The following FAM222A variants were observed in gnomAD, a reference collection of about 807,000 sequenced individuals.
FAM222A encodes family with sequence similarity 222 member A.
Under a neutral mutation model 25.8 loss-of-function variants are expected in FAM222A, and 7 were observed. The ratio of observed to expected loss-of-function variants is 0.27; its 90% CI spans 0.15 to 0.51. FAM222A has a LOEUF of 0.51. Among genes scored for constraint, FAM222A ranks in the 20% least tolerant of loss-of-function variants. The pLI is 0.97. For missense variants in FAM222A, 573 were observed against 640.5 expected (o/e 0.89, Z 1.14); for synonymous variants, 294 against 298.8 (o/e 0.98, Z 0.17).
intron 1 of FAM222A, among the ~76,000 whole-genome samples, chr12:109,729,438 C>G (rs1190003269): frequency 6.6e-6 from 1 of 152,192 alleles, no homozygotes; most frequent in African/African-American, 2.4e-5. Flanking sequence ...TCCCTGAGCC[C>G]CTCAAGACAC....
chr12:109,724,599 C>T (rs376696066), intron 1 of FAM222A, among the ~76,000 whole-genome samples: 49 of 152,204 alleles, frequency 3.2e-4, no homozygotes, highest in African/African-American at 9.4e-4. Flanking sequence ...AGAGGACTCA[C>T]CTGAAGCAAC....
intron 2 of FAM222A, among the ~76,000 whole-genome samples, chr12:109,761,758 G>A (rs1888904163): frequency 6.6e-6 from 1 of 152,250 alleles, no homozygotes; most frequent in Non-Finnish European, 1.5e-5. Context: ...TGGCAGTTGG[G>A]CAGCTCCCAG....
chr12:109,716,446 A>C (rs967335741), intron 1 of FAM222A, among the ~76,000 whole-genome samples: 1 of 152,198 alleles, frequency 6.6e-6, no homozygotes, highest in Non-Finnish European at 1.5e-5. Context: ...CTGCTCTTCT[A>C]CCAAGCTCTC....
rs1287239943 is a variant in FAM222A at position 109,753,038 on chromosome 12, TC to T, written c.82+8814del. Among the ~76,000 whole-genome samples the T allele has an allele frequency of 2.6e-5, 4 of 152,270 alleles. No homozygotes were observed. In the East Asian group the frequency reaches 7.7e-4, roughly 29 times the overall value. Reference sequence around the variant, plus strand: ...TGTGGGTCTCAACTGCTCAGGGCCTTCCCCACTAATTAATAAATATTTGACT... The same window carrying T: ...TGTGGGTCTCAACTGCTCAGGGCCTTCCCACTAATTAATAAATATTTGACT... On this transcript the variant is annotated intron_variant, in intron 2 of 2. Transcript: ENST00000538780.
At chr12:109,716,403 G>A (rs1887646425) in intron 1 of FAM222A, among the ~76,000 whole-genome samples, 1 of 152,224 alleles carries the variant, frequency 6.6e-6, no homozygotes, top group Admixed American at 6.5e-5. Flanking sequence ...ATTAGGAGAA[G>A]CCAGGCCCCA....
At chr12:109,721,084 T>C (rs1887737214) in intron 1 of FAM222A, among the ~76,000 whole-genome samples, 1 of 152,252 alleles carries the variant, frequency 6.6e-6, no homozygotes, top group Non-Finnish European at 1.5e-5. Context: ...TTTGGCATTT[T>C]GTTCTCTCAT....
intron 1 of FAM222A, 70 bp from the exon 2 acceptor site, chr12:109,744,031 C>G: frequency 6.8e-7 from 1 of 1,463,970 alleles, no homozygotes; most frequent in Non-Finnish European, 9.0e-7. Context: ...GGGAGACTCC[C>G]GGGGGGAATG....
At chr12:109,733,634 T>A (rs1004593581) in intron 1 of FAM222A, among the ~76,000 whole-genome samples, 2 of 152,068 alleles carry the variant, frequency 1.3e-5, no homozygotes, top group South Asian at 2.1e-4. Flanking sequence ...CGATCTCCTG[T>A]CCTCGTGATC....
intron 2 of FAM222A, among the ~76,000 whole-genome samples, chr12:109,757,629 A>G (rs566075879): frequency 6.6e-6 from 1 of 152,300 alleles, no homozygotes; most frequent in Non-Finnish European, 1.5e-5. Flanking sequence ...TTCCAAAATG[A>G]GAGAAAAAAA....
intron 2 of FAM222A, among the ~76,000 whole-genome samples, chr12:109,752,035 G>A (rs1466929957): frequency 1.3e-5 from 2 of 152,184 alleles, no homozygotes; most frequent in African/African-American, 4.8e-5. Context: ...CTTTGTACAT[G>A]TGCATCTGTG....
intron 1 of FAM222A, among the ~76,000 whole-genome samples, chr12:109,742,651 G>T (rs1270476730): frequency 6.7e-6 from 1 of 149,960 alleles, no homozygotes. Flanking sequence ...GAGAAAATTG[G>T]TTTTGAAACT....
chr12:109,731,595 G>T (rs1887949345), intron 1 of FAM222A, among the ~76,000 whole-genome samples: 1 of 152,194 alleles, frequency 6.6e-6, no homozygotes, highest in Non-Finnish European at 1.5e-5. Flanking sequence ...CAGACCTCCT[G>T]CAGGAGAGGC....
chr12:109,768,261 C>G lies in FAM222A; in HGVS notation c.332C>G (p.Ser111Cys). 2.5e-6 allele frequency: 4 copies of G among 1,608,462 alleles called. No homozygotes were observed. Among genetic ancestry groups the G allele is most frequent in the Non-Finnish European group, 3.4e-6 (4 of 1,178,146 alleles). ...GLLAIVKAAV[S>C]SSSTAAPAGP... ...CTGGCCATTGTCAAGGCCGCGGTTT[C>G]CTCCTCCAGCACGGCCGCACCAGCT... The change falls in exon 3 of 3, where the codon TCC (serine) becomes TGC (cysteine). Residue 111 changes from serine to cysteine, a missense_variant. Around this residue, in one of 3 missense-constraint regions of FAM222A, gnomAD observed 412 missense variants for 407.0 expected, o/e 1.01. Transcript: ENST00000538780.
Position 109,755,579 on chromosome 12 carries a change from C to T in FAM222A, c.82+11351C>T, listed in dbSNP as rs774678056. On this transcript the variant is annotated intron_variant, in intron 2 of 2. Transcript: ENST00000538780. ...ACGACCTCCGGTGATCAGCCCGCCTCGGCCTCCCAAAGTGCTGGGATTACA... is the reference window on the plus strand; with the variant it reads ...ACGACCTCCGGTGATCAGCCCGCCTTGGCCTCCCAAAGTGCTGGGATTACA... Among the ~76,000 whole-genome samples the T allele has an allele frequency of 3.3e-5, 5 of 152,284 alleles. No homozygotes were observed. In the East Asian group the frequency reaches 5.8e-4, roughly 18 times the overall value.
chr12:109,766,239 C>T (rs1003238687), intron 2 of FAM222A, among the ~76,000 whole-genome samples: 3 of 152,212 alleles, frequency 2.0e-5, no homozygotes, highest in South Asian at 2.1e-4. Flanking sequence ...CACCACCACT[C>T]TCCATACCCC....
intron 2 of FAM222A, among the ~76,000 whole-genome samples, chr12:109,752,033 A>C (rs913753158): frequency 6.6e-6 from 1 of 152,188 alleles, no homozygotes; most frequent in Non-Finnish European, 1.5e-5. Flanking sequence ...ATCTTTGTAC[A>C]TGTGCATCTG....
At position 109,723,288 on chromosome 12, in the gene FAM222A, C is replaced by T. The variant is rs548996514; in HGVS notation, c.-47+8391C>T. 3.3e-5 allele frequency among the ~76,000 whole-genome samples: 5 copies of T among 152,306 alleles called. No individual in the cohort carries two copies. The South Asian group carries it at 6.2e-4, about 19-fold the overall frequency. ...GTATTTGCCTTGATTTCCCTACCTG[C>T]GTTCAAAGGGACATAAGGAGGCCAG... On this transcript the variant is annotated intron_variant, in intron 1 of 2. Transcript: ENST00000538780.
chr12:109,727,499 G>A (rs1012343924), intron 1 of FAM222A, among the ~76,000 whole-genome samples: 2 of 152,114 alleles, frequency 1.3e-5, no homozygotes, highest in Non-Finnish European at 2.9e-5. Flanking sequence ...GCTGCTAGAG[G>A]AGCCAAGGCA....
At chr12:109,761,957 TGCACCAACTGCTTCCCCA>T (rs1888910987) in intron 2 of FAM222A, among the ~76,000 whole-genome samples, 1 of 137,924 alleles carries the variant, frequency 7.3e-6, no homozygotes, top group South Asian at 2.6e-4. Flanking sequence ...ACCCTCACCC[TGCACCAACTGCTTCCCCA>T]GCTGTGCCAG....
Sources: allele counts gnomAD v4.1 joint callset (sites outside exome capture counted in the v4.1 genomes callset), GRCh38; gene constraint gnomAD v4.1.1; regional missense constraint gnomAD v4.1.1; transcripts MANE v1.5; gene names NCBI Gene and HGNC (gene_info 2026-07-23, HGNC 2026-07-21).